The following SLC25A21 variants were observed in gnomAD, a reference collection of about 807,000 sequenced individuals.
The protein encoded by SLC25A21 is solute carrier family 25 member 21.
Under a neutral mutation model 43.8 loss-of-function variants are expected in SLC25A21, and 47 were observed. The ratio of observed to expected loss-of-function variants is 1.07; its 90% CI spans 0.85 to 1.37. The LOEUF (loss-of-function observed/expected upper bound fraction) is 1.37. Ranked by LOEUF, SLC25A21 falls within the 40% of genes most tolerant of loss-of-function variation. The pLI is 0.00. For missense variants in SLC25A21, 352 were observed against 350.2 expected, an observed-to-expected ratio of 1.00 and a Z score of -0.04; for synonymous variants, 131 against 121.3, an observed-to-expected ratio of 1.08 and a Z score of -0.52.
At chr14:36,719,014 C>T (rs1001801085) in intron 6 of SLC25A21, among the ~76,000 whole-genome samples, 16 of 152,108 alleles carry the variant, frequency 1.1e-4, no homozygotes, top group African/African-American at 3.9e-4. Flanking sequence ...ACCTGTGCCC[C>T]AGCCACACAT....
In SLC25A21 at chr14:37,095,824, A is replaced by G. The variant is rs77503500; in HGVS notation, c.70+76457T>C. 4.0e-4 allele frequency among the ~76,000 whole-genome samples: 14 copies of G among 34,936 alleles called. No individual in the cohort carries two copies. The South Asian group carries it at 0.013, about 32-fold the overall frequency. 22.9% of individuals were successfully genotyped at this position (34,936 alleles called of 152,430 possible). A position where few individuals can be genotyped will look rare whatever the true frequency, so the allele number is the denominator to read the frequency against. On this transcript the variant is annotated intron_variant, in intron 1 of 9. Transcript: ENST00000331299. Reference sequence around the variant, plus strand: ...TATACACACACACGCGCACGCACACACACACACACACACACACACAAAAAA... The same window carrying G: ...TATACACACACACGCGCACGCACACGCACACACACACACACACACAAAAAA...
chr14:36,765,715 T>C (rs1479986661), intron 3 of SLC25A21, among the ~76,000 whole-genome samples: 2 of 152,194 alleles, frequency 1.3e-5, no homozygotes, highest in Non-Finnish European at 2.9e-5. Context: ...AACGTGTATG[T>C]TTCAAAGGAT....
chr14:37,006,436 T>TG (rs1457764467), intron 1 of SLC25A21, among the ~76,000 whole-genome samples: 1 of 152,120 alleles, frequency 6.6e-6, no homozygotes, highest in East Asian at 1.9e-4. Flanking sequence ...TCAACATACA[T>TG]GTTGACGTAT....
chr14:37,110,869 T>A (rs1212354882), intron 1 of SLC25A21, among the ~76,000 whole-genome samples: 1 of 152,152 alleles, frequency 6.6e-6, no homozygotes, highest in African/African-American at 2.4e-5. Flanking sequence ...TTGGAAGAAC[T>A]TGTCTGGTTT....
intron 2 of SLC25A21, among the ~76,000 whole-genome samples, chr14:36,837,508 A>C (rs755368596): frequency 6.6e-6 from 1 of 152,134 alleles, no homozygotes; most frequent in African/African-American, 2.4e-5. Flanking sequence ...TGTGAGGACA[A>C]GAGGTTAGGT....
At chr14:37,147,844 C>CT (rs61239254) in intron 1 of SLC25A21, among the ~76,000 whole-genome samples, 8,601 of 126,084 alleles carry the variant, frequency 0.068, 1,000 homozygotes, top group East Asian at 0.33. Flanking sequence ...TTTTTCTTTT[C>CT]TTTTTTTTTT....
At chr14:36,911,418 G>C (rs1891683379) in intron 1 of SLC25A21, among the ~76,000 whole-genome samples, 1 of 152,134 alleles carries the variant, frequency 6.6e-6, no homozygotes, top group Non-Finnish European at 1.5e-5. Context: ...CTGTTATTTT[G>C]GAGGTCCCCA....
intron 1 of SLC25A21, among the ~76,000 whole-genome samples, chr14:37,089,682 A>G (rs1298446562): frequency 6.6e-6 from 1 of 152,206 alleles, no homozygotes; most frequent in Non-Finnish European, 1.5e-5. Context: ...AAAGGCTCAA[A>G]TTTTATACCA....
intron 7 of SLC25A21, among the ~76,000 whole-genome samples, chr14:36,696,102 G>A (rs1883011038): frequency 6.6e-6 from 1 of 152,182 alleles, no homozygotes; most frequent in Non-Finnish European, 1.5e-5. Flanking sequence ...AGTTTATTGA[G>A]AGTGTTTAGC....
chr14:36,793,863 G>A (rs757276713), intron 3 of SLC25A21, among the ~76,000 whole-genome samples: 6 of 146,158 alleles, frequency 4.1e-5, no homozygotes, highest in South Asian at 2.1e-4. Context: ...ATGAAACTTC[G>A]TCAACTCACA....
intron 1 of SLC25A21, among the ~76,000 whole-genome samples, chr14:37,005,303 G>A (rs201673652): frequency 2.0e-3 from 291 of 144,090 alleles, no homozygotes; most frequent in Non-Finnish European, 3.7e-3. Context: ...ACATGCATCC[G>A]CAGGAAGCTC....
At chr14:36,720,299 G>T (rs1285855143) in intron 6 of SLC25A21, among the ~76,000 whole-genome samples, 1 of 152,204 alleles carries the variant, frequency 6.6e-6, no homozygotes, top group Non-Finnish European at 1.5e-5. Context: ...GCTGGAAGTT[G>T]TTAGGAAATT....
chr14:36,684,625 T>C, intron 8 of SLC25A21, 119 bp downstream of exon 8: 1 of 885,916 alleles, frequency 1.1e-6, no homozygotes, highest in Admixed American at 2.7e-5. Flanking sequence ...ATTCGCAGTT[T>C]CTTAGACACA....
chr14:37,092,064 T>C (rs1169391824), intron 1 of SLC25A21, among the ~76,000 whole-genome samples: 2 of 151,952 alleles, frequency 1.3e-5, no homozygotes, highest in Non-Finnish European at 2.9e-5. Context: ...GATGTGGAGG[T>C]TGCAATGAGC....
intron 2 of SLC25A21, among the ~76,000 whole-genome samples, chr14:36,859,128 G>T (rs1056056317): frequency 2.0e-5 from 3 of 152,140 alleles, no homozygotes; most frequent in Non-Finnish European, 2.9e-5. Flanking sequence ...GCTTTAAATT[G>T]AAGCTGAAAC....
intron 3 of SLC25A21, among the ~76,000 whole-genome samples, chr14:36,739,528 A>G (rs1885167551): frequency 6.6e-6 from 1 of 152,074 alleles, no homozygotes; most frequent in Non-Finnish European, 1.5e-5. Context: ...AAATACAAAA[A>G]TTAGCTGGGT....
chr14:36,938,883 T>C (rs1892490379), intron 1 of SLC25A21, among the ~76,000 whole-genome samples: 1 of 152,162 alleles, frequency 6.6e-6, no homozygotes, highest in Non-Finnish European at 1.5e-5. Context: ...TATTTCTTAT[T>C]GCATCACTGA....
rs569443846 is a variant in SLC25A21, at chr14:37,169,097, G to A, written c.70+3184C>T. On this transcript the variant is annotated intron_variant, in intron 1 of 9. Coordinates refer to ENST00000331299, the MANE Select transcript of SLC25A21 (RefSeq NM_030631.4). ...AAAACTACGTGGCTGTGGTTTAGAG[G>A]TAGATCCTTAACAGCAGAGTGACCC... 2.0e-5 allele frequency among the ~76,000 whole-genome samples: 3 copies of A among 152,236 alleles called. No homozygotes were observed. In the East Asian group the frequency reaches 5.8e-4, roughly 29 times the overall value.
chr14:37,170,495 A>G (rs1403876932), intron 1 of SLC25A21, among the ~76,000 whole-genome samples: 1 of 152,132 alleles, frequency 6.6e-6, no homozygotes, highest in Non-Finnish European at 1.5e-5. Context: ...TTCTTTCATC[A>G]GGGTCATAGA....
Sources: allele counts gnomAD v4.1 joint callset (sites outside exome capture counted in the v4.1 genomes callset), GRCh38; gene constraint gnomAD v4.1.1; transcripts MANE v1.5; gene names NCBI Gene and HGNC (gene_info 2026-07-23, HGNC 2026-07-21).